The following ATP9A variants were observed in gnomAD, a reference collection of about 807,000 sequenced individuals.
The protein encoded by ATP9A is ATPase phospholipid transporting 9A.
ATP9A carries 52 observed loss-of-function variants against 144.1 expected under a neutral mutation model. The ratio of observed to expected loss-of-function variants is 0.36; its 90% CI spans 0.29 to 0.45. The LOEUF (loss-of-function observed/expected upper bound fraction) is 0.45. Among genes scored for constraint, ATP9A ranks in the 20% least tolerant of loss-of-function variants. ATP9A has a pLI of 1.00. For missense variants in ATP9A, 947 were observed against 1,392.7 expected (o/e 0.68, Z 5.09); for synonymous variants, 582 against 557.4 (o/e 1.04, Z -0.62).
At position 51,697,359 on chromosome 20, in the gene ATP9A, T is replaced by C. The variant is rs2077574860; in HGVS notation, c.495+65A>G. On this transcript the variant is annotated intron_variant, in intron 5 of 27. Transcript: ENST00000338821. Reference sequence around the variant, plus strand: ...TTCAACATTCACTTCGTCTACCAGATACACAAATGACACATTAGGACCCAT... The same window carrying C: ...TTCAACATTCACTTCGTCTACCAGACACACAAATGACACATTAGGACCCAT... 5 of 1,470,334 alleles carry C rather than the reference T, an allele frequency of 3.4e-6. No individual in the cohort carries two copies. In the African/African-American group the frequency reaches 5.6e-5, roughly 17 times the overall value. 91.1% of individuals were successfully genotyped at this position (1,470,334 alleles called of 1,614,324 possible). A position where few individuals can be genotyped will look rare whatever the true frequency, so the allele number is the denominator to read the frequency against.
intron 13 of ATP9A, 51 bp downstream of exon 13, chr20:51,669,946 A>T: frequency 1.9e-6 from 2 of 1,061,904 alleles, no homozygotes; most frequent in Non-Finnish European, 2.6e-6. Flanking sequence ...TATAGCTGTT[A>T]AAAAAAAAAA....
At chr20:51,697,251 CTG>C (rs10665454) in intron 5 of ATP9A, among the ~76,000 whole-genome samples, 171 bp downstream of exon 5, 2 of 151,186 alleles carry the variant, frequency 1.3e-5, no homozygotes, top group African/African-American at 2.4e-5. Flanking sequence ...GTGTGTGTGT[CTG>C]TGTGTGTGTG....
At position 51,622,047 on chromosome 20, in the gene ATP9A, A is replaced by G. The variant is rs1337004032; in HGVS notation, c.2115+27T>C. ...AGGACAAATCGAACATCATCCCCAC[A>G]TGGCCCTAACGCAGAGGACACTTTA... On this transcript the variant is annotated intron_variant, in intron 19 of 27. Transcript: ENST00000338821. The G allele has an allele frequency of 3.8e-6, 6 of 1,599,786 alleles. No homozygotes were observed. In the African/African-American group the frequency reaches 5.4e-5, roughly 14 times the overall value.
intron 13 of ATP9A, among the ~76,000 whole-genome samples, chr20:51,665,106 G>A (rs1262663713): frequency 1.3e-5 from 2 of 152,062 alleles, no homozygotes; most frequent in Non-Finnish European, 2.9e-5. Context: ...GCTACAACCG[G>A]AAGAACCTTG....
intron 13 of ATP9A, among the ~76,000 whole-genome samples, chr20:51,659,715 A>C (rs1318528875): frequency 1.3e-5 from 2 of 152,228 alleles, no homozygotes; most frequent in Non-Finnish European, 2.9e-5. Flanking sequence ...CGATTGCCCA[A>C]AATAGAGAAC....
intron 15 of ATP9A, among the ~76,000 whole-genome samples, chr20:51,634,447 C>A (rs917314515): frequency 2.0e-5 from 3 of 152,122 alleles, no homozygotes; most frequent in Non-Finnish European, 4.4e-5. Context: ...CAGGTGTGGA[C>A]CAGTGGGAAA....
At chr20:51,656,917 G>C in intron 14 of ATP9A, 21 bp downstream of exon 14, 1 of 1,607,640 alleles carries the variant, frequency 6.2e-7, no homozygotes, top group Non-Finnish European at 8.5e-7. Flanking sequence ...CCCATGCCTT[G>C]CTGCACCTGC....
In ATP9A at chr20:51,740,201, C is replaced by T. The variant is rs370481271; in HGVS notation, c.69-10223G>A. Reference sequence around the variant, plus strand: ...CCTCCCGAGTAGCTGGGACTACAGGCATGCACCACCACACCTGGCATATTT... The same window carrying T: ...CCTCCCGAGTAGCTGGGACTACAGGTATGCACCACCACACCTGGCATATTT... On this transcript the variant is annotated intron_variant, in intron 1 of 27. Transcript: ENST00000338821. Among the ~76,000 whole-genome samples, 20 of 151,874 alleles carry T rather than the reference C, an allele frequency of 1.3e-4. 3 individuals carry two copies. The highest frequency in any genetic ancestry group is 2.0e-4 in the East Asian group (1 of 5,068).
At chr20:51,725,754 G>T in intron 3 of ATP9A, 65 bp downstream of exon 3, 1 of 1,198,484 alleles carries the variant, frequency 8.3e-7, no homozygotes. Flanking sequence ...CTAAGTGAGA[G>T]AAACAAAGAA....
intron 19 of ATP9A, among the ~76,000 whole-genome samples, chr20:51,621,350 G>A (rs1376540303): frequency 1.3e-5 from 2 of 152,078 alleles, no homozygotes; most frequent in East Asian, 3.9e-4. Context: ...GCTTCTGTGT[G>A]CTATGGACCA....
intron 1 of ATP9A, among the ~76,000 whole-genome samples, chr20:51,751,079 T>A (rs148922954): frequency 5.3e-5 from 8 of 152,184 alleles, no homozygotes; most frequent in African/African-American, 1.9e-4. Context: ...GGGAGGGGCA[T>A]CAGGAAGGAA....
Position 51,607,636 on chromosome 20 carries a change from A to C in ATP9A, c.2746-52T>G, listed in dbSNP as rs748518698. The C allele has an allele frequency of 4.2e-6, 6 of 1,417,362 alleles. No individual in the cohort carries two copies. In the South Asian group the frequency reaches 7.0e-5, roughly 17 times the overall value. 87.8% of individuals were successfully genotyped at this position (1,417,362 alleles called of 1,614,324 possible). Reference sequence around the variant, plus strand: ...AGCCGGTTTCGCGGGGGGCTCACGCAGCATGCCATCAGCTTTCACGTTATT... The same window carrying C: ...AGCCGGTTTCGCGGGGGGCTCACGCCGCATGCCATCAGCTTTCACGTTATT... On this transcript the variant is annotated intron_variant, in intron 25 of 27. Coordinates refer to ENST00000338821, the MANE Select transcript of ATP9A (RefSeq NM_006045.3).
Position 51,729,863 on chromosome 20 carries a change from T to G in ATP9A, c.184A>C (p.Lys62Gln). The G allele has an allele frequency of 6.2e-7, 1 of 1,602,332 alleles. No individual in the cohort carries two copies. Among genetic ancestry groups the G allele is most frequent in the South Asian group, 1.1e-5 (1 of 89,806 alleles). ...GGAAGAAAGGTGAAGAAATTGTACTTCTGATTGTTGATGACATTCCGAGGA... is the reference window on the plus strand; with the variant it reads ...GGAAGAAAGGTGAAGAAATTGTACTGCTGATTGTTGATGACATTCCGAGGA... ...RYPRNVINNQ[K>Q]YNFFTFLPGV... The change falls in exon 2 of 28, where the codon AAG becomes CAG. Residue 62 changes from lysine (K) to glutamine (Q), a missense_variant. By Grantham distance (53) the Lys-to-Gln change is moderately conservative (BLOSUM62 1). Coordinates refer to ENST00000338821, the MANE Select transcript of ATP9A (RefSeq NM_006045.3).
At chr20:51,608,302 G>T (rs538343734) in intron 25 of ATP9A, among the ~76,000 whole-genome samples, 3 of 152,076 alleles carry the variant, frequency 2.0e-5, no homozygotes, top group Non-Finnish European at 4.4e-5. Flanking sequence ...ACTTTTTCAC[G>T]TTCTTTATAC....
chr20:51,636,017 C>T (rs986515199), intron 15 of ATP9A, among the ~76,000 whole-genome samples: 1 of 152,136 alleles, frequency 6.6e-6, no homozygotes, highest in African/African-American at 2.4e-5. Flanking sequence ...ACCCCATATA[C>T]ACTATGTTTT....
intron 8 of ATP9A, among the ~76,000 whole-genome samples, 156 bp from the exon 9 acceptor site, chr20:51,689,295 G>A (rs1336866928): frequency 2.6e-5 from 4 of 151,992 alleles, no homozygotes; most frequent in Non-Finnish European, 5.9e-5. Flanking sequence ...ATGAGGGGAG[G>A]GCCAAGCTCT....
chr20:51,694,655 A>C (rs1179165491), intron 6 of ATP9A, among the ~76,000 whole-genome samples: 14 of 152,226 alleles, frequency 9.2e-5, no homozygotes, highest in Non-Finnish European at 2.9e-5. Flanking sequence ...ATTCGTGCGC[A>C]GAGTTCAGAA....
rs766877279 is a variant in ATP9A at position 51,725,940 on chromosome 20, G to A, written c.214-8C>T. 7.9e-6 allele frequency: 12 copies of A among 1,511,302 alleles called. No individual in the cohort carries two copies. In the East Asian group the frequency reaches 2.7e-4, roughly 34 times the overall value. 93.6% of individuals were successfully genotyped at this position (1,511,302 alleles called of 1,614,324 possible). On this transcript the variant is annotated splice_polypyrimidine_tract_variant and splice_region_variant and intron_variant, in intron 2 of 27. Transcript: ENST00000338821. Reference sequence around the variant, plus strand: ...GAACTGGTTGAACAGCACCTGGAATGGAGGGAGACAACAGAGAAAGACATT... The same window carrying A: ...GAACTGGTTGAACAGCACCTGGAATAGAGGGAGACAACAGAGAAAGACATT...
At chr20:51,725,627 T>C (rs1326998456) in intron 3 of ATP9A, among the ~76,000 whole-genome samples, 192 bp downstream of exon 3, 1 of 152,214 alleles carries the variant, frequency 6.6e-6, no homozygotes, top group Admixed American at 6.5e-5. Flanking sequence ...GGCTTTGCTA[T>C]AGTTTGATCC....
Sources: allele counts gnomAD v4.1 joint callset (sites outside exome capture counted in the v4.1 genomes callset), GRCh38; gene constraint gnomAD v4.1.1; transcripts MANE v1.5; gene names NCBI Gene and HGNC (gene_info 2026-07-23, HGNC 2026-07-21).